Variants in TBCD observed in about 807,000 individuals in gnomAD.
The protein encoded by TBCD is tubulin folding cofactor D, also known as tubulin-specific chaperone D.
In TBCD, 105 loss-of-function variants were observed where a neutral mutation model predicts 169.3. The ratio of observed to expected loss-of-function variants is 0.62; its 90% CI spans 0.53 to 0.73. The LOEUF (loss-of-function observed/expected upper bound fraction) is 0.73. Among genes scored for constraint, TBCD ranks in the 30% least tolerant of loss-of-function variants. The pLI is 0.00. For missense variants in TBCD, 1,444 were observed against 1,600.1 expected (o/e 0.90, Z 1.66); for synonymous variants, 700 against 643.9 (o/e 1.09, Z -1.32).
intron 14 of TBCD, among the ~76,000 whole-genome samples, chr17:82,875,150 C>T (rs1017264758): frequency 6.6e-6 from 1 of 152,110 alleles, no homozygotes; most frequent in African/African-American, 2.4e-5. Context: ...TTATACTGTT[C>T]CTGTTTTATA....
chr17:82,849,462 A>G (rs2055463008), intron 13 of TBCD, among the ~76,000 whole-genome samples: 1 of 152,086 alleles, frequency 6.6e-6, no homozygotes, highest in South Asian at 2.1e-4. Context: ...CCCTTTTCAT[A>G]TCTTCCTTGT....
Position 82,782,841 on chromosome 17 carries a change from C to T in TBCD, c.771+1120C>T, listed in dbSNP as rs1470286149. 6.6e-6 allele frequency among the ~76,000 whole-genome samples: 1 copy of T among 151,654 alleles called. No homozygotes were observed. ...GTCGTCCTGTCTGCGGTGGCGTCCT[C>T]CTGTCCGCAGAGGCGTCCTCATGTC... On this transcript the variant is annotated intron_variant, in intron 7 of 38. Coordinates refer to ENST00000355528, the MANE Select transcript of TBCD (RefSeq NM_005993.5). This position sits in a 1 kb window ranked among gnomAD's most constrained non-coding sequence, Gnocchi z 5.1.
Position 82,756,157 on chromosome 17 carries a change from G to GT in TBCD, c.185-3dup. ...GATAATTAATTTTCATGTTATATTT[G>GT]TTTTTAGTAATAATGGACAAATACC... On this transcript the variant is annotated splice_region_variant and splice_polypyrimidine_tract_variant and intron_variant, in intron 1 of 38. Coordinates refer to ENST00000355528, the MANE Select transcript of TBCD (RefSeq NM_005993.5). The GT allele has an allele frequency of 6.2e-7, 1 of 1,602,822 alleles. No homozygotes were observed. Among genetic ancestry groups the GT allele is most frequent in the Non-Finnish European group, 8.5e-7 (1 of 1,174,060 alleles).
chr17:82,905,203 C>T (rs1272560860), intron 19 of TBCD, among the ~76,000 whole-genome samples: 1 of 152,230 alleles, frequency 6.6e-6, no homozygotes, highest in Non-Finnish European at 1.5e-5. Context: ...CCCAGGCAGC[C>T]AGGCAGAGCT....
At position 82,920,889 on chromosome 17, in the gene TBCD, G is replaced by A. The variant is rs181812556; in HGVS notation, c.2101+271G>A. 8.5e-6 allele frequency: 4 copies of A among 469,342 alleles called. No homozygotes were observed. Among genetic ancestry groups the A allele is most frequent in the Non-Finnish European group, 1.5e-5 (4 of 263,346 alleles). The allele number at this position is 469,342 out of a possible 1,614,324, so 29.1% of individuals were successfully genotyped here. A position where few individuals can be genotyped will look rare whatever the true frequency, so the allele number is the denominator to read the frequency against. ...CCATGCCCAGGGCCCGGCACTCTGG[G>A]TCAGTTCTTCTCCCAGGCAGACAGT... On this transcript the variant is annotated intron_variant, in intron 24 of 38. Coordinates refer to ENST00000355528, the MANE Select transcript of TBCD (RefSeq NM_005993.5). The surrounding 1 kb of genome is among the most constrained non-coding windows in gnomAD (Gnocchi z 4.1).
chr17:82,774,710 G>C (rs1352801345), intron 6 of TBCD, among the ~76,000 whole-genome samples: 3 of 152,208 alleles, frequency 2.0e-5, no homozygotes, highest in Non-Finnish European at 4.4e-5. Context: ...CCTGTCGTTT[G>C]TGGTGGGACA....
chr17:82,752,512 G>T lies in TBCD; in HGVS notation c.184+135G>T, dbSNP rs533720371. ...GGGCTGCCGGTGCGCGGTCCCGCGG[G>T]CCGTGGTGGGGCGCGGCCTTCCTAG... On this transcript the variant is annotated intron_variant, in intron 1 of 38. Transcript: ENST00000355528. The T allele has an allele frequency of 3.0e-3, 2,178 of 717,496 alleles. 6 individuals carry two copies. The highest frequency in any genetic ancestry group is 4.7e-3 in the Admixed American group (87 of 18,434). 44.4% of individuals were successfully genotyped at this position (717,496 alleles called of 1,614,324 possible).
At chr17:82,907,701 T>C in intron 20 of TBCD, 60 bp from the exon 21 acceptor site, 1 of 1,590,972 alleles carries the variant, frequency 6.3e-7, no homozygotes, top group South Asian at 1.1e-5. Flanking sequence ...CTCCTCCGAG[T>C]GTACTCGGGG....
Position 82,752,383 on chromosome 17 carries a change from T to A in TBCD, c.184+6T>A. 13 of 1,236,792 alleles carry A rather than the reference T, an allele frequency of 1.1e-5. No homozygotes were observed. The highest frequency in any genetic ancestry group is 1.3e-5 in the Non-Finnish European group (13 of 993,054). 76.6% of individuals were successfully genotyped at this position (1,236,792 alleles called of 1,614,324 possible). On this transcript the variant is annotated splice_donor_region_variant and intron_variant, in intron 1 of 38. Transcript: ENST00000355528. ...GGCCCTGGAGCGGTTCCGCGGTGCG[T>A]GGGCGGCGCCGCGTGCCCGCTTCCT...
At position 82,915,809 on chromosome 17, in the gene TBCD, CT is replaced by C. The variant is rs2060988742; in HGVS notation, c.2038+4022del. Among the ~76,000 whole-genome samples the C allele has an allele frequency of 6.6e-6, 1 of 152,116 alleles. No homozygotes were observed. The highest frequency in any genetic ancestry group is 2.1e-4 in the South Asian group (1 of 4,818). The stretch of plus-strand genomic sequence containing the variant: ...AGGGAAACCAGAGGGACTGGTGAGC[CT>C]TGAGTCGGCCACAGGTGTGTGGAGG... On this transcript the variant is annotated intron_variant, in intron 23 of 38. Transcript: ENST00000355528. The surrounding 1 kb of genome is among the most constrained non-coding windows in gnomAD (Gnocchi z 4.3).
intron 13 of TBCD, among the ~76,000 whole-genome samples, chr17:82,858,827 G>A (rs73364992): frequency 0.013 from 1,911 of 152,304 alleles, 36 homozygotes; most frequent in African/African-American, 0.043. Context: ...AGGAGGGTGC[G>A]GCTCGTGGGT....
intron 13 of TBCD, among the ~76,000 whole-genome samples, chr17:82,847,243 C>G (rs1333504417): frequency 6.6e-6 from 1 of 151,408 alleles, no homozygotes; most frequent in African/African-American, 2.4e-5. Flanking sequence ...ATCCCAACTA[C>G]TCGGGAGGCT....
At chr17:82,791,037 A>G (rs1027530299) in intron 7 of TBCD, among the ~76,000 whole-genome samples, 2 of 134,190 alleles carry the variant, frequency 1.5e-5, no homozygotes, top group Non-Finnish European at 3.2e-5. Context: ...ATACAATTCT[A>G]TTTTGTCTGG....
intron 5 of TBCD, among the ~76,000 whole-genome samples, chr17:82,771,530 C>T (rs1024317464): frequency 1.3e-5 from 2 of 152,040 alleles, no homozygotes. Context: ...GCAATCCTCC[C>T]ACCTCAGCCT....
At chr17:82,926,616 C>T in intron 28 of TBCD, 125 bp downstream of exon 28, 1 of 773,056 alleles carries the variant, frequency 1.3e-6, no homozygotes, top group Non-Finnish European at 2.1e-6. Flanking sequence ...TTCCTCTCTT[C>T]CAGAGGATCG....
chr17:82,867,372 C>G (rs551331794), intron 13 of TBCD, among the ~76,000 whole-genome samples: 3 of 152,176 alleles, frequency 2.0e-5, no homozygotes, highest in Non-Finnish European at 4.4e-5. Context: ...CCCAGATGCC[C>G]GAGGCTATGG....
Position 82,806,136 on chromosome 17 carries a change from C to A in TBCD, c.1087+125C>A. ...ACTGTCTGGCCACCCGTCCCCTTCG[C>A]TGAGTGCACGGTCACTGCCCGTCCT... On this transcript the variant is annotated intron_variant, in intron 10 of 38. Transcript: ENST00000355528. The surrounding 1 kb of genome is among the most constrained non-coding windows in gnomAD (Gnocchi z 5.1). 1.5e-6 allele frequency: 2 copies of A among 1,322,246 alleles called. No individual in the cohort carries two copies. Among genetic ancestry groups the A allele is most frequent in the Non-Finnish European group, 1.0e-6 (1 of 968,846 alleles). The allele number at this position is 1,322,246 out of a possible 1,614,324, so 81.9% of individuals were successfully genotyped here. A position where few individuals can be genotyped will look rare whatever the true frequency, so the allele number is the denominator to read the frequency against.
At position 82,932,657 on chromosome 17, in the gene TBCD, G is replaced by T. The variant is rs2062305446; in HGVS notation, c.3114-1G>T. 1 of 1,612,770 alleles carries T rather than the reference G, an allele frequency of 6.2e-7. No homozygotes were observed. The highest frequency in any genetic ancestry group is 1.3e-5 in the African/African-American group (1 of 74,906). ...GGTCTCACAGCTCCTTCTCCCCTCA[G>T]GGTGTCCGTGCCGCTGCTGAAGACG... On this transcript the variant is annotated splice_acceptor_variant, in intron 33 of 38. Transcript: ENST00000355528. LOFTEE classifies it high-confidence loss of function.
intron 9 of TBCD, 36 bp downstream of exon 9, chr17:82,801,032 C>T (rs755977733): frequency 4.1e-5 from 17 of 412,676 alleles, no homozygotes; most frequent in Admixed American, 9.4e-5. Flanking sequence ...GGGAGGGCCA[C>T]GGGGTGGGGA....
Sources: gnomAD v4.1 joint callset for allele counts (sites outside exome capture counted in the v4.1 genomes callset) on GRCh38, gnomAD v4.1.1 for gene constraint, Gnocchi (gnomAD v3.1) non-coding constraint, MANE v1.5 for transcripts, NCBI Gene and HGNC (gene_info 2026-07-23, HGNC 2026-07-21) for gene names.